TRIM22: variants seen among roughly 807,000 people sequenced by gnomAD.
TRIM22 encodes the protein tripartite motif containing 22.
Under a neutral mutation model 53.6 loss-of-function variants are expected in TRIM22, and 45 were observed. That is an observed-to-expected ratio of 0.84 (90% CI 0.66 to 1.08). TRIM22 has a LOEUF of 1.08. Ranked by LOEUF, TRIM22 falls within the 50% of genes least tolerant of loss-of-function variation. The pLI is 0.00. For missense variants in TRIM22, 616 were observed against 590.9 expected (o/e 1.04, Z -0.44); for synonymous variants, 225 against 216.6 (o/e 1.04, Z -0.34).
chr11:5,690,593 G>A (rs907612632), intron 1 of TRIM22, among the ~76,000 whole-genome samples: 4 of 152,140 alleles, frequency 2.6e-5, no homozygotes, highest in Non-Finnish European at 4.4e-5. Flanking sequence ...GGAAAGAGAA[G>A]AGAAGAAAAG....
In TRIM22 at chr11:5,696,545, C is replaced by A. The variant is rs187628129; in HGVS notation, c.313C>A (p.Gln105Lys). ...DVCEHHGKKL[Q>K]IFCKEDGKVI... The stretch of plus-strand genomic sequence containing the variant: ...CTGTGAGCACCATGGAAAAAAACTC[C>A]AGATCTTCTGTAAGGAGGATGGAAA... Residue 105 changes from glutamine to lysine, a missense_variant, in exon 2 of 8, where the codon CAG becomes AAG. Physicochemically the swap from Gln to Lys is moderately conservative, Grantham distance 53. Transcript: ENST00000379965. 63 of 1,614,206 alleles carry A rather than the reference C, an allele frequency of 3.9e-5. No homozygotes were observed. Among genetic ancestry groups the A allele is most frequent in the Admixed American group, 5.0e-5 (3 of 60,024 alleles).
chr11:5,698,649 T>A, intron 4 of TRIM22, 104 bp downstream of exon 4: 2 of 970,468 alleles, frequency 2.1e-6, no homozygotes, highest in Non-Finnish European at 3.1e-6. Flanking sequence ...TGTGGTGACA[T>A]GAAATGGTTC....
chr11:5,694,761 G>T (rs928646483), intron 1 of TRIM22, among the ~76,000 whole-genome samples: 7 of 152,120 alleles, frequency 4.6e-5, no homozygotes, highest in African/African-American at 1.7e-4. Context: ...AATTGTTCAT[G>T]ATAAAATTAT....
rs149419302 is a variant in TRIM22 at position 5,707,585 on chromosome 11, G to A, written c.774-588G>A. On this transcript the variant is annotated intron_variant, in intron 5 of 7. Coordinates refer to ENST00000379965, the MANE Select transcript of TRIM22 (RefSeq NM_006074.5). ...AGCACTTTGGGAAGCCGAGGCAGGC[G>A]GATCACTTGAGGTCAGAAGTTCAAA... Among the ~76,000 whole-genome samples, 1,155 of 152,250 alleles carry A rather than the reference G, an allele frequency of 7.6e-3. 10 individuals are homozygous for A. Among genetic ancestry groups the A allele is most frequent in the Admixed American group, 0.013 (196 of 15,296 alleles).
At chr11:5,692,359 T>C (rs185524154) in intron 1 of TRIM22, among the ~76,000 whole-genome samples, 1 of 152,312 alleles carries the variant, frequency 6.6e-6, no homozygotes, top group East Asian at 1.9e-4. Context: ...ACTGATGAAC[T>C]AACTGTGAGA....
At chr11:5,701,670 A>G (rs1418104945) in intron 4 of TRIM22, among the ~76,000 whole-genome samples, 2 of 152,190 alleles carry the variant, frequency 1.3e-5, no homozygotes, top group African/African-American at 4.8e-5. Context: ...TTAAAACCTC[A>G]TACAAAAAAA....
Position 5,696,186 on chromosome 11 carries a change from C to A in TRIM22, c.-47C>A, listed in dbSNP as rs777932756. ...TCTCAGCACTGCAGGAGTTTGTGAC[C>A]AAGAACTTCAAGAGTCAAGACAGAA... On this transcript the variant is annotated 5_prime_UTR_variant, in exon 2 of 8. Transcript: ENST00000379965. 10 of 1,545,028 alleles carry A rather than the reference C, an allele frequency of 6.5e-6. No individual in the cohort carries two copies. Among genetic ancestry groups the A allele is most frequent in the African/African-American group, 2.8e-5 (2 of 72,684 alleles).
At chr11:5,698,966 A>G (rs1564941124) in intron 4 of TRIM22, among the ~76,000 whole-genome samples, 1 of 152,190 alleles carries the variant, frequency 6.6e-6, no homozygotes. Context: ...GAATTATAAA[A>G]CATGTAGTCT....
intron 1 of TRIM22, among the ~76,000 whole-genome samples, chr11:5,692,522 A>G (rs1853188953): frequency 6.6e-6 from 1 of 152,218 alleles, no homozygotes; most frequent in East Asian, 1.9e-4. Flanking sequence ...GTCATTGAAA[A>G]AGGAACTCTG....
Position 5,696,534 on chromosome 11 carries a change from GAA to G in TRIM22, c.308_309del (p.Lys103ThrfsTer6). The G allele has an allele frequency of 6.2e-7, 1 of 1,614,142 alleles. No individual in the cohort carries two copies. The highest frequency in any genetic ancestry group is 8.5e-7 in the Non-Finnish European group (1 of 1,180,008). ...AAGAGAGATGTCTGTGAGCACCATG[GAA>G]AAAAACTCCAGATCTTCTGTAAGGA... is the stretch of plus-strand genomic sequence containing the variant. On this transcript the variant is annotated frameshift_variant, in exon 2 of 8. Coordinates refer to ENST00000379965, the MANE Select transcript of TRIM22 (RefSeq NM_006074.5). LOFTEE classifies it high-confidence loss of function.
chr11:5,700,971 G>A (rs1404711665), intron 4 of TRIM22, among the ~76,000 whole-genome samples: 1 of 152,010 alleles, frequency 6.6e-6, no homozygotes, highest in Non-Finnish European at 1.5e-5. Flanking sequence ...ATAATCATAT[G>A]ATTTTTCTTC....
At chr11:5,707,016 T>G (rs948794657) in intron 5 of TRIM22, among the ~76,000 whole-genome samples, 1 of 152,200 alleles carries the variant, frequency 6.6e-6, no homozygotes, top group African/African-American at 2.4e-5. Flanking sequence ...GAGAATAAAA[T>G]AAACAATAAC....
chr11:5,694,320 C>G (rs1226159671), intron 1 of TRIM22, among the ~76,000 whole-genome samples: 1 of 152,114 alleles, frequency 6.6e-6, no homozygotes, highest in African/African-American at 2.4e-5. Context: ...TGTGTGTGAT[C>G]CTATAACTAT....
Position 5,709,170 on chromosome 11 carries a change from C to G in TRIM22, c.1019C>G (p.Ser340Cys). The G allele has an allele frequency of 6.2e-7, 1 of 1,614,120 alleles. No homozygotes were observed. Among genetic ancestry groups the G allele is most frequent in the Non-Finnish European group, 8.5e-7 (1 of 1,180,020 alleles). ...AAGAATTCAAATCCATGTGATTTTT[C>G]TGCTTTTGGTGTCTTCGGCTGCCAA... Reference protein sequence around the residue: ...TFKNSNPCDFSAFGVFGCQYF... With the variant: ...TFKNSNPCDFCAFGVFGCQYF... The change falls in exon 8 of 8, where the codon TCT becomes TGT. Residue 340 changes from serine (S) to cysteine (C), a missense_variant. By Grantham distance (112) the Ser-to-Cys change is moderately radical. Coordinates refer to ENST00000379965, the MANE Select transcript of TRIM22 (RefSeq NM_006074.5).
intron 4 of TRIM22, among the ~76,000 whole-genome samples, chr11:5,699,742 A>C (rs1253207084): frequency 9.7e-6 from 1 of 103,506 alleles, no homozygotes; most frequent in Non-Finnish European, 2.0e-5. Flanking sequence ...TTTTTTTTTT[A>C]GTTACAGCCT....
At chr11:5,701,961 T>C (rs953464138) in intron 4 of TRIM22, among the ~76,000 whole-genome samples, 1 of 151,786 alleles carries the variant, frequency 6.6e-6, no homozygotes. Context: ...TTTCCCTTCC[T>C]CTCTTTTTCT....
In TRIM22 at chr11:5,709,626, CTG is replaced by C. The variant is rs927538465; in HGVS notation, c.1480_1481del (p.Cys494ProfsTer16). 1.9e-6 allele frequency: 3 copies of C among 1,605,982 alleles called. No homozygotes were observed. The highest frequency in any genetic ancestry group is 1.7e-6 in the Non-Finnish European group (2 of 1,178,900). On this transcript the variant is annotated frameshift_variant, in exon 8 of 8. Coordinates refer to ENST00000379965, the MANE Select transcript of TRIM22 (RefSeq NM_006074.5). LOFTEE classifies it high-confidence loss of function. ...CCTTGGAACTGCCTAGTCCCCATGACTGTGTGCCCACCGAGCTCCTGAGTGTT... is the reference window on the plus strand; with the variant it reads ...CCTTGGAACTGCCTAGTCCCCATGACTGTGCCCACCGAGCTCCTGAGTGTT...
rs374772336 is a variant in TRIM22, at chr11:5,708,591, C to T, written c.889C>T (p.Gln297Ter). ...LQVLKELTDV[Q>*]YYWVDVMLNP... ...TGTCGTTTCAGAGCTGACAGATGTC[C>T]AGTACTACTGGGGTAAGATGATATG... Residue 297 changes from glutamine (Q) to a stop codon, truncating the protein, a stop_gained, in exon 7 of 8, where the codon CAG (glutamine) becomes TAG (stop). Transcript: ENST00000379965. LOFTEE classifies it high-confidence loss of function. 4 of 1,607,698 alleles carry T rather than the reference C, an allele frequency of 2.5e-6. No individual in the cohort carries two copies. In the African/African-American group the frequency reaches 5.4e-5, roughly 22 times the overall value.
intron 4 of TRIM22, among the ~76,000 whole-genome samples, chr11:5,704,995 G>C (rs1467783988): frequency 2.6e-5 from 4 of 152,150 alleles, no homozygotes; most frequent in Non-Finnish European, 1.5e-5. Context: ...ATATTTGTTT[G>C]TCTGTCTAAC....
Sources: gnomAD v4.1 joint callset for allele counts (sites outside exome capture counted in the v4.1 genomes callset) on GRCh38, gnomAD v4.1.1 for gene constraint, MANE v1.5 for transcripts, NCBI Gene and HGNC (gene_info 2026-07-23, HGNC 2026-07-21) for gene names.